Variants in PLEKHG4B observed in about 807,000 individuals in gnomAD.
The protein encoded by PLEKHG4B is pleckstrin homology domain-containing family G member 4B.
PLEKHG4B carries 111 observed loss-of-function variants against 121.3 expected under a neutral mutation model. That is an observed-to-expected ratio of 0.92 (90% CI 0.78 to 1.07). The LOEUF is 1.07. Among genes scored for constraint, PLEKHG4B ranks in the 50% least tolerant of loss-of-function variants. PLEKHG4B has a pLI of 0.00. For synonymous variants in PLEKHG4B, 738 were observed against 725.0 expected (o/e 1.02, Z -0.29); for missense variants, 1,831 against 1,757.8 (o/e 1.04, Z -0.74).
Position 162,760 on chromosome 5 carries a change from T to TC in PLEKHG4B, c.2691dup (p.Ser898LeufsTer6). On this transcript the variant is annotated frameshift_variant, in exon 13 of 20. Coordinates refer to ENST00000637938, the MANE Select transcript of PLEKHG4B (RefSeq NM_052909.5). LOFTEE classifies it high-confidence loss of function. ...TGGGGCCCCTGGACCCGGAGGCTTG[T>TC]CCCTCCTCACCCGTGGCTGAGTGTT... is the stretch of plus-strand genomic sequence containing the variant. The TC allele has an allele frequency of 6.8e-7, 1 of 1,469,416 alleles. No homozygotes were observed. The highest frequency in any genetic ancestry group is 9.0e-7 in the Non-Finnish European group (1 of 1,110,194). 91.0% of individuals were successfully genotyped at this position (1,469,416 alleles called of 1,614,324 possible). A position where few individuals can be genotyped will look rare whatever the true frequency, so the allele number is the denominator to read the frequency against.
rs1734214375 is a variant in PLEKHG4B, at chr5:113,374, G to T, written c.169G>T (p.Asp57Tyr). The T allele has an allele frequency of 2.5e-6, 1 of 399,166 alleles. No individual in the cohort carries two copies. Among genetic ancestry groups the T allele is most frequent in the Admixed American group, 4.4e-5 (1 of 22,738 alleles). 24.7% of individuals were successfully genotyped at this position (399,166 alleles called of 1,614,324 possible). Reference sequence around the variant, plus strand: ...CGTGGCCGAGAGGTGCCACGGTGGGGACGGGCTGCACTGCCTCACCAGCTT... The same window carrying T: ...CGTGGCCGAGAGGTGCCACGGTGGGTACGGGCTGCACTGCCTCACCAGCTT... ...FSVAERCHGG[D>Y]GLHCLTSFLL... is the part of the protein sequence containing the mutation. The change falls in exon 2 of 20, where the codon GAC becomes TAC. Residue 57 changes from aspartate to tyrosine, a missense_variant. By Grantham distance (160) the Asp-to-Tyr change is radical. Coordinates refer to ENST00000637938, the MANE Select transcript of PLEKHG4B (RefSeq NM_052909.5). This position sits in a 1 kb window ranked among gnomAD's most constrained non-coding sequence, Gnocchi z 5.2.
intron 2 of PLEKHG4B, among the ~76,000 whole-genome samples, chr5:124,978 C>T (rs1242494502): frequency 6.6e-6 from 1 of 152,042 alleles, no homozygotes; most frequent in African/African-American, 2.4e-5. Context: ...ACTAAAAATA[C>T]AAAAATTAGC....
rs34794370 is a variant in PLEKHG4B, at chr5:101,960, T to A, written c.45+9684T>A. Among the ~76,000 whole-genome samples the A allele has an allele frequency of 3.7e-4, 32 of 87,402 alleles. 2 individuals are homozygous for A. Among genetic ancestry groups the A allele is most frequent in the Non-Finnish European group, 5.1e-4 (24 of 47,158 alleles). 57.3% of individuals were successfully genotyped at this position (87,402 alleles called of 152,430 possible). A position where few individuals can be genotyped will look rare whatever the true frequency, so the allele number is the denominator to read the frequency against. On this transcript the variant is annotated intron_variant, in intron 1 of 19. Coordinates refer to ENST00000637938, the MANE Select transcript of PLEKHG4B (RefSeq NM_052909.5). ...TATAGGGGAGAGACTGTTGTGAGGT[T>A]AATCCATATAAAGCCCTGGAGAAAG...
chr5:171,664 C>CAAA (rs1736559080), intron 16 of PLEKHG4B, among the ~76,000 whole-genome samples: 1 of 152,230 alleles, frequency 6.6e-6, no homozygotes, highest in African/African-American at 2.4e-5. Flanking sequence ...AGGCTCGAGG[C>CAAA]CCCTGGAGCC....
chr5:149,853 A>C (rs1477888323), intron 6 of PLEKHG4B, among the ~76,000 whole-genome samples: 3 of 152,230 alleles, frequency 2.0e-5, no homozygotes, highest in Non-Finnish European at 4.4e-5. Flanking sequence ...TAGGGTGGCT[A>C]TTGTAAAAAA....
chr5:179,212 T>C (rs1380493040), intron 18 of PLEKHG4B, among the ~76,000 whole-genome samples: 4 of 152,242 alleles, frequency 2.6e-5, no homozygotes, highest in Admixed American at 6.5e-5. Flanking sequence ...TTGATTTCAC[T>C]TTTATCTTTT....
At position 157,611 on chromosome 5, in the gene PLEKHG4B, C is replaced by G. The variant is rs1358321325; in HGVS notation, c.2487+700C>G. 6.6e-6 allele frequency among the ~76,000 whole-genome samples: 1 copy of G among 152,072 alleles called. No individual in the cohort carries two copies. Among genetic ancestry groups the G allele is most frequent in the Non-Finnish European group, 1.5e-5 (1 of 68,014 alleles). On this transcript the variant is annotated intron_variant, in intron 11 of 19. Coordinates refer to ENST00000637938, the MANE Select transcript of PLEKHG4B (RefSeq NM_052909.5). This position sits in a 1 kb window ranked among gnomAD's most constrained non-coding sequence, Gnocchi z 4.6. The stretch of plus-strand genomic sequence containing the variant: ...TGAAATGATTGCTTAGCTCGGGGGG[C>G]ACCAGCGAAATGATTGCTTAGCTCA...
In PLEKHG4B at chr5:143,404, C is replaced by T. The variant is rs752112236; in HGVS notation, c.1712C>T (p.Ala571Val). The T allele has an allele frequency of 6.2e-7, 1 of 1,612,812 alleles. No homozygotes were observed. The part of the protein sequence containing the change: ...LPGTRDRHGR[A>V]VVQVRTRSLL... ...GGGACCCGAGACCGTCATGGCAGAG[C>T]AGTGGTGCAGGTCCGCACCAGGAGC... Residue 571 changes from alanine (A) to valine (V), a missense_variant, in exon 5 of 20, where the codon GCA (alanine) becomes GTA (valine). Ala to Val is a moderately conservative substitution (Grantham distance 64, BLOSUM62 0). Transcript: ENST00000637938.
At position 162,813 on chromosome 5, in the gene PLEKHG4B, C is replaced by G; in HGVS notation, c.2741C>G (p.Ser914Trp). ...CLRSCHQEAT[S>W]VAAEAFPGAG... ...AGGAGCTGTCACCAGGAGGCTACCT[C>G]GGTGGCTGCAGAGGCCTTCCCCGGG... Residue 914 changes from serine (S) to tryptophan (W), a missense_variant, in exon 13 of 20, where the codon TCG (serine) becomes TGG (tryptophan). Coordinates refer to ENST00000637938, the MANE Select transcript of PLEKHG4B (RefSeq NM_052909.5). The G allele has an allele frequency of 2.0e-6, 3 of 1,505,664 alleles. No homozygotes were observed. The highest frequency in any genetic ancestry group is 2.7e-6 in the Non-Finnish European group (3 of 1,127,552). 93.3% of individuals were successfully genotyped at this position (1,505,664 alleles called of 1,614,324 possible). A position where few individuals can be genotyped will look rare whatever the true frequency, so the allele number is the denominator to read the frequency against.
At chr5:114,783 A>G (rs1416157030) in intron 2 of PLEKHG4B, among the ~76,000 whole-genome samples, 1 of 152,204 alleles carries the variant, frequency 6.6e-6, no homozygotes, top group Non-Finnish European at 1.5e-5. Context: ...CATCCATTCA[A>G]GATTTATCCT....
chr5:164,799 G>A (rs1421985813), intron 13 of PLEKHG4B, among the ~76,000 whole-genome samples: 7 of 135,090 alleles, frequency 5.2e-5, no homozygotes, highest in South Asian at 2.5e-4. Flanking sequence ...CTGACGGGGC[G>A]GAGCTCACAC....
chr5:126,702 G>T (rs539628970), intron 2 of PLEKHG4B, among the ~76,000 whole-genome samples: 2 of 152,294 alleles, frequency 1.3e-5, no homozygotes, highest in Admixed American at 1.3e-4. Flanking sequence ...GTTTTCTGGG[G>T]TAAATACCCG....
At chr5:95,666 C>CT (rs1733609536) in intron 1 of PLEKHG4B, among the ~76,000 whole-genome samples, 1 of 152,202 alleles carries the variant, frequency 6.6e-6, no homozygotes, top group Non-Finnish European at 1.5e-5. Flanking sequence ...GTGGGACTCT[C>CT]CTTCCGGGCT....
Position 134,100 on chromosome 5 carries a change from T to C in PLEKHG4B, c.244-5383T>C, listed in dbSNP as rs185885563. 8.9e-3 allele frequency among the ~76,000 whole-genome samples: 1,131 copies of C among 126,798 alleles called. 12 individuals carry two copies. Among genetic ancestry groups the C allele is most frequent in the Non-Finnish European group, 0.014 (819 of 59,604 alleles). The allele number at this position is 126,798 out of a possible 152,430, so 83.2% of individuals were successfully genotyped here. A position where few individuals can be genotyped will look rare whatever the true frequency, so the allele number is the denominator to read the frequency against. The stretch of plus-strand genomic sequence containing the variant: ...GAATATATATATATATATATATATA[T>C]ATATATATATATATATATATATGTG... On this transcript the variant is annotated intron_variant, in intron 2 of 19. Transcript: ENST00000637938.
intron 5 of PLEKHG4B, among the ~76,000 whole-genome samples, chr5:144,432 G>C (rs1010111199): frequency 7.9e-5 from 12 of 152,208 alleles, no homozygotes; most frequent in Admixed American, 7.9e-4. Context: ...TTGGGAACAG[G>C]CCATCCACAT....
chr5:103,979 C>T (rs1733897321), intron 1 of PLEKHG4B, among the ~76,000 whole-genome samples: 1 of 152,210 alleles, frequency 6.6e-6, no homozygotes, highest in Admixed American at 6.5e-5. Flanking sequence ...CTGTGCCTGG[C>T]TTATTTCACC....
At position 173,993 on chromosome 5, in the gene PLEKHG4B, A is replaced by C. The variant is rs374221327; in HGVS notation, c.4297A>C (p.Lys1433Gln). 8.7e-6 allele frequency: 14 copies of C among 1,611,258 alleles called. No individual in the cohort carries two copies. The East Asian group carries it at 1.3e-4, about 15-fold the overall frequency. Reference protein sequence around the residue: ...RFEIWFRRRRKSQDTYILQAS... With the variant: ...RFEIWFRRRRQSQDTYILQAS... ...TGAGATTTGGTTTCGCAGGCGGCGG[A>C]AATCTCAGGACACCTACATTCTCCA... The change falls in exon 18 of 20, where the codon AAA (lysine) becomes CAA (glutamine). Residue 1433 changes from lysine to glutamine, a missense_variant. By Grantham distance (53) the Lys-to-Gln change is moderately conservative. Transcript: ENST00000637938.
Position 156,667 on chromosome 5 carries a change from T to C in PLEKHG4B, c.2349-106T>C, listed in dbSNP as rs1364181196. ...TCCTCCTGGGGCTCCCGTTGCCTTG[T>C]GGCATGAGGGAATGGAAAGAGCAGG... is the stretch of plus-strand genomic sequence containing the variant. On this transcript the variant is annotated intron_variant, in intron 10 of 19. Coordinates refer to ENST00000637938, the MANE Select transcript of PLEKHG4B (RefSeq NM_052909.5). This position sits in a 1 kb window ranked among gnomAD's most constrained non-coding sequence, Gnocchi z 4.4. 1 of 1,404,934 alleles carries C rather than the reference T, an allele frequency of 7.1e-7. No individual in the cohort carries two copies. The highest frequency in any genetic ancestry group is 9.5e-7 in the Non-Finnish European group (1 of 1,050,092). 87.0% of individuals were successfully genotyped at this position (1,404,934 alleles called of 1,614,324 possible).
At chr5:164,436 CTG>C (rs1736166892) in intron 13 of PLEKHG4B, among the ~76,000 whole-genome samples, 3 of 151,418 alleles carry the variant, frequency 2.0e-5, no homozygotes, top group African/African-American at 7.3e-5. Context: ...CCCAGTAATG[CTG>C]TGACAGGGGG....
Sources: gnomAD v4.1 joint callset for allele counts (sites outside exome capture counted in the v4.1 genomes callset) on GRCh38, gnomAD v4.1.1 for gene constraint, Gnocchi (gnomAD v3.1) non-coding constraint, MANE v1.5 for transcripts, NCBI Gene and HGNC (gene_info 2026-07-23, HGNC 2026-07-21) for gene names.